Variants in SCRG1 observed in about 807,000 individuals in gnomAD.
SCRG1 encodes the protein stimulator of chondrogenesis 1, also known as scrapie-responsive protein 1.
A neutral mutation model predicts 7.7 loss-of-function variants in SCRG1; 3 were observed. The ratio of observed to expected loss-of-function variants is 0.39; its 90% confidence interval spans 0.18 to 1.01. The LOEUF is 1.01. Among genes scored for constraint, SCRG1 ranks in the 50% least tolerant of loss-of-function variants. The probability of loss-of-function intolerance (pLI) is 0.36; values close to 1 mark genes in which losing one functional copy is unlikely to be tolerated. For missense variants in SCRG1, 110 were observed against 117.2 expected, an observed-to-expected ratio of 0.94 and a Z score of 0.28; for synonymous variants, 46 against 41.2, an observed-to-expected ratio of 1.12 and a Z score of -0.44.
chr4:173,459,426 A>G, the SCRG1 span, among the ~76,000 whole-genome samples: 1 of 152,238 alleles, frequency 6.6e-6, no homozygotes, highest in African/African-American at 2.4e-5. Flanking sequence ...TCTGAGCACA[A>G]TGGAATAAAA....
chr4:173,470,410 C>G, the SCRG1 span, among the ~76,000 whole-genome samples: 7 of 152,230 alleles, frequency 4.6e-5, no homozygotes, highest in South Asian at 1.5e-3. Flanking sequence ...TCACAGGTAA[C>G]TGAGTGTTTC....
At chr4:173,443,283 G>A in the SCRG1 span, among the ~76,000 whole-genome samples, 3 of 152,042 alleles carry the variant, frequency 2.0e-5, no homozygotes, top group Non-Finnish European at 4.4e-5. Flanking sequence ...AACAAAGCTG[G>A]ACAACAAAGA....
the SCRG1 span, among the ~76,000 whole-genome samples, chr4:173,509,859 G>T: frequency 6.6e-6 from 1 of 152,202 alleles, no homozygotes; most frequent in South Asian, 2.1e-4. This position sits in a 1 kb window ranked among gnomAD's most constrained non-coding sequence, Gnocchi z 5.7. Flanking sequence ...AAGCCGAGGC[G>T]GCCGGGGAGA....
chr4:173,461,153 C>T, the SCRG1 span, among the ~76,000 whole-genome samples: 1 of 152,248 alleles, frequency 6.6e-6, no homozygotes, highest in South Asian at 2.1e-4. Context: ...TCTTGCTGCC[C>T]TGAAGGGAAG....
chr4:173,447,297 C>T, the SCRG1 span, among the ~76,000 whole-genome samples: 4,262 of 152,252 alleles, frequency 0.028, 170 homozygotes, highest in African/African-American at 0.089. Context: ...CATTTATGAG[C>T]GTTCCACCTC....
chr4:173,410,767 T>G (rs977515643), upstream of SCRG1, among the ~76,000 whole-genome samples: 2 of 152,210 alleles, frequency 1.3e-5, no homozygotes, highest in African/African-American at 4.8e-5. Flanking sequence ...GTTTGACTAC[T>G]GGACTTTTTA....
chr4:173,483,931 T>A, the SCRG1 span, among the ~76,000 whole-genome samples: 1 of 30,026 alleles, frequency 3.3e-5, no homozygotes, highest in Admixed American at 5.7e-4. Context: ...ATATATTTCA[T>A]ATATAATATA....
At chr4:173,443,275 C>T in the SCRG1 span, among the ~76,000 whole-genome samples, 1 of 151,786 alleles carries the variant, frequency 6.6e-6, no homozygotes, top group African/African-American at 2.4e-5. Context: ...CTTGTATCAA[C>T]AAAGCTGGAC....
At chr4:173,473,508 G>A in the SCRG1 span, among the ~76,000 whole-genome samples, 2 of 152,222 alleles carry the variant, frequency 1.3e-5, no homozygotes, top group African/African-American at 2.4e-5. Flanking sequence ...TGATCTAGCT[G>A]TTGGAGGGTG....
chr4:173,426,562 A>G, the SCRG1 span, among the ~76,000 whole-genome samples: 7 of 152,354 alleles, frequency 4.6e-5, no homozygotes, highest in Non-Finnish European at 7.3e-5. Flanking sequence ...AACTAGGCTC[A>G]AGCGATCCTC....
At chr4:173,470,832 G>C in the SCRG1 span, among the ~76,000 whole-genome samples, 1 of 152,154 alleles carries the variant, frequency 6.6e-6, no homozygotes, top group African/African-American at 2.4e-5. Context: ...ATAAAAATCA[G>C]TGGACTCTGG....
In SCRG1 at chr4:173,385,983, T is replaced by C. The variant is rs1739232201; in HGVS notation, c.*2358A>G. 2 of 152,208 alleles carry C rather than the reference T, an allele frequency of 1.3e-5. No individual in the cohort carries two copies. The allele number at this position is 152,208 out of a possible 1,614,324, so 9.4% of individuals were successfully genotyped here. On this transcript the variant is annotated 3_prime_UTR_variant, in exon 3 of 3. Coordinates refer to ENST00000296506, the MANE Select transcript of SCRG1 (RefSeq NM_007281.4). Reference sequence around the variant, plus strand: ...CTGATTTCATTACCAGTCAATTCAGTGAAGAAAGAAAGGCCAATCAAATCA... The same window carrying C: ...CTGATTTCATTACCAGTCAATTCAGCGAAGAAAGAAAGGCCAATCAAATCA...
chr4:173,478,297 GT>G, the SCRG1 span, among the ~76,000 whole-genome samples: 1 of 152,020 alleles, frequency 6.6e-6, no homozygotes, highest in Non-Finnish European at 1.5e-5. Flanking sequence ...GCAGATAAAT[GT>G]TCTCTGGGCT....
the SCRG1 span, among the ~76,000 whole-genome samples, chr4:173,485,089 T>TATATAATATATAATATATA: frequency 8.5e-4 from 4 of 4,730 alleles, no homozygotes; most frequent in African/African-American, 2.5e-3. Flanking sequence ...TATAATATAT[T>TATATAATATATAATATATA]ATATATTATA....
the SCRG1 span, among the ~76,000 whole-genome samples, chr4:173,450,889 G>A: frequency 6.6e-5 from 10 of 152,258 alleles, no homozygotes; most frequent in East Asian, 1.9e-3. Flanking sequence ...GCCTGACCCA[G>A]GGCATCCACG....
chr4:173,414,361 T>C, the SCRG1 span, among the ~76,000 whole-genome samples: 3 of 152,056 alleles, frequency 2.0e-5, no homozygotes, highest in African/African-American at 7.2e-5. Context: ...CATTCTGGAG[T>C]CTCATAGCCC....
At chr4:173,430,082 T>C in the SCRG1 span, among the ~76,000 whole-genome samples, 1 of 152,034 alleles carries the variant, frequency 6.6e-6, no homozygotes, top group Non-Finnish European at 1.5e-5. Context: ...TTTGGGCCCA[T>C]GAAAGGCAGA....
the SCRG1 span, among the ~76,000 whole-genome samples, chr4:173,445,631 G>C: frequency 1.3e-5 from 2 of 149,798 alleles, no homozygotes; most frequent in Non-Finnish European, 3.0e-5. Flanking sequence ...GAATCCATTA[G>C]GATTTTAGGG....
chr4:173,485,109 T>TAA, the SCRG1 span, among the ~76,000 whole-genome samples: 2 of 14,470 alleles, frequency 1.4e-4, no homozygotes, highest in Admixed American at 2.0e-3. Context: ...ATATTATATA[T>TAA]TATATAATAT....
Sources: allele counts gnomAD v4.1 joint callset (sites outside exome capture counted in the v4.1 genomes callset), GRCh38; gene constraint gnomAD v4.1.1; non-coding constraint Gnocchi (gnomAD v3.1); transcripts MANE v1.5; gene names NCBI Gene and HGNC (gene_info 2026-07-23, HGNC 2026-07-21).